The following EPB41L3 variants were observed in gnomAD, a reference collection of about 807,000 sequenced individuals.
The protein encoded by EPB41L3 is erythrocyte membrane protein band 4.1 like 3, also known as band 4.1-like protein 3.
Under a neutral mutation model 127.1 loss-of-function variants are expected in EPB41L3, and 57 were observed. The ratio of observed to expected loss-of-function variants is 0.45; its 90% CI spans 0.36 to 0.56. The LOEUF is 0.56. Among genes scored for constraint, EPB41L3 ranks in the 20% least tolerant of loss-of-function variants. The pLI, the probability that EPB41L3 is intolerant of heterozygous loss-of-function variation, is 0.00. For missense variants in EPB41L3, 1,273 were observed against 1,372.2 expected (o/e 0.93, Z 1.14); for synonymous variants, 572 against 549.5 (o/e 1.04, Z -0.57).
At chr18:5,420,146 G>T in intron 11 of EPB41L3, 1 of 572,752 alleles carries the variant, frequency 1.7e-6, no homozygotes, top group Non-Finnish European at 3.0e-6. Context: ...AAATGCTCAT[G>T]TCTTGGAATT....
chr18:5,397,321 C>T lies in EPB41L3; in HGVS notation c.2578G>A (p.Glu860Lys), dbSNP rs1191825244. ...KVVQETVLVEERRVVHASGDA... is the reference protein window; with the variant it reads ...KVVQETVLVEKRRVVHASGDA... The stretch of plus-strand genomic sequence containing the variant: ...CCACTCGCGTGCACCACACGCCGCT[C>T]CTCCACCAACACGGTCTCCTGCACC... The change falls in exon 18 of 23, where the codon GAG becomes AAG. Residue 860 changes from glutamate to lysine, a missense_variant. Coordinates refer to ENST00000341928, the MANE Select transcript of EPB41L3 (RefSeq NM_012307.5). This position sits in a 1 kb window ranked among gnomAD's most constrained non-coding sequence, Gnocchi z 4.1. The T allele has an allele frequency of 6.2e-7, 1 of 1,613,920 alleles. No individual in the cohort carries two copies. The highest frequency in any genetic ancestry group is 1.3e-5 in the African/African-American group (1 of 74,938).
At chr18:5,457,941 T>G (rs1186400347) in intron 3 of EPB41L3, among the ~76,000 whole-genome samples, 2 of 152,158 alleles carry the variant, frequency 1.3e-5, no homozygotes, top group African/African-American at 2.4e-5. Context: ...TTGTTTGTAT[T>G]AGAATTTGAG....
intron 3 of EPB41L3, chr18:5,577,615 C>T: frequency 4.4e-6 from 1 of 228,708 alleles, no homozygotes; most frequent in Non-Finnish European, 8.6e-6. Context: ...TAATATTTCC[C>T]CTGGTTCCCA....
At chr18:5,484,088 A>AAAAAAAAAAAAAAAAAC (rs2089190366) in intron 2 of EPB41L3, among the ~76,000 whole-genome samples, 1 of 42,902 alleles carries the variant, frequency 2.3e-5, no homozygotes, top group Non-Finnish European at 4.2e-5. Flanking sequence ...AACAAACTCA[A>AAAAAAAAAAAAAAAAAC]AAAAAAAAAA....
chr18:5,568,564 G>C (rs1055695120), intron 3 of EPB41L3, among the ~76,000 whole-genome samples: 4 of 152,062 alleles, frequency 2.6e-5, no homozygotes, highest in African/African-American at 9.7e-5. Context: ...GGGCCCCACA[G>C]AGTACACGCA....
At chr18:5,475,769 A>G (rs990714644) in intron 3 of EPB41L3, among the ~76,000 whole-genome samples, 2 of 152,198 alleles carry the variant, frequency 1.3e-5, no homozygotes, top group African/African-American at 2.4e-5. Context: ...TGTCCATTTC[A>G]TAATAAAACT....
At chr18:5,560,427 G>T (rs535756596) in intron 3 of EPB41L3, among the ~76,000 whole-genome samples, 1 of 152,128 alleles carries the variant, frequency 6.6e-6, no homozygotes, top group South Asian at 2.1e-4. Flanking sequence ...AACTATTTTG[G>T]CAGTACAATC....
At chr18:5,457,512 ATTT>A (rs1381033808) in intron 3 of EPB41L3, among the ~76,000 whole-genome samples, 1 of 152,052 alleles carries the variant, frequency 6.6e-6, no homozygotes, top group Non-Finnish European at 1.5e-5. Flanking sequence ...TGTATCACTT[ATTT>A]TAACTTCTGT....
At position 5,520,203 on chromosome 18, in the gene EPB41L3, A is replaced by G. The variant is rs573803445; in HGVS notation, c.-12+23710T>C. ...GTCACCAGATTTATTTCTGAGCTGTATAAGTTGGACATGTTTCTGAGTCAT... is the reference window on the plus strand; with the variant it reads ...GTCACCAGATTTATTTCTGAGCTGTGTAAGTTGGACATGTTTCTGAGTCAT... On this transcript the variant is annotated intron_variant, in intron 1 of 22. Coordinates refer to ENST00000341928, the MANE Select transcript of EPB41L3 (RefSeq NM_012307.5). Among the ~76,000 whole-genome samples, 15 of 152,330 alleles carry G rather than the reference A, an allele frequency of 9.8e-5. No homozygotes were observed. The South Asian group carries it at 2.3e-3, about 23-fold the overall frequency.
rs563662904 is a variant in EPB41L3, at chr18:5,499,829, G to GTGTATATATA, written c.-11-10636_-11-10635insTATATATACA. ...CCTACTACATACTTACTATGTGTGTGTATATATATATATATATATGGCATT... is the reference window on the plus strand; with the variant it reads ...CCTACTACATACTTACTATGTGTGTGTGTATATATATATATATATATATATATATGGCATT... On this transcript the variant is annotated intron_variant, in intron 1 of 22. Transcript: ENST00000341928. Among the ~76,000 whole-genome samples, 128 of 124,658 alleles carry GTGTATATATA rather than the reference G, an allele frequency of 1.0e-3. 8 individuals are homozygous for GTGTATATATA. The highest frequency in any genetic ancestry group is 4.2e-3 in the Middle Eastern group (1 of 240). 81.8% of individuals were successfully genotyped at this position (124,658 alleles called of 152,430 possible).
intron 3 of EPB41L3, among the ~76,000 whole-genome samples, chr18:5,560,751 A>G (rs2094113542): frequency 6.6e-6 from 1 of 151,898 alleles, no homozygotes; most frequent in Non-Finnish European, 1.5e-5. Context: ...TCCATACTCT[A>G]CCTGGTAACT....
intron 3 of EPB41L3, among the ~76,000 whole-genome samples, chr18:5,598,014 G>A (rs2094553638): frequency 6.6e-6 from 1 of 152,168 alleles, no homozygotes; most frequent in Admixed American, 6.5e-5. Context: ...TGTCAAAGAT[G>A]AAGTAACTTC....
upstream of EPB41L3, among the ~76,000 whole-genome samples, chr18:5,629,969 G>A (rs949859885): frequency 2.0e-5 from 3 of 152,184 alleles, no homozygotes; most frequent in Non-Finnish European, 4.4e-5. Context: ...GGAGAGGGAT[G>A]ACGTCCTCCA....
chr18:5,611,556 A>G (rs917877653), intron 3 of EPB41L3, among the ~76,000 whole-genome samples: 1 of 152,240 alleles, frequency 6.6e-6, no homozygotes, highest in Non-Finnish European at 1.5e-5. Context: ...AACAACATAC[A>G]CTAATGAGGC....
At chr18:5,475,242 C>T (rs962149177) in intron 3 of EPB41L3, among the ~76,000 whole-genome samples, 2 of 152,192 alleles carry the variant, frequency 1.3e-5, no homozygotes, top group Non-Finnish European at 2.9e-5. Flanking sequence ...TAAGAATATG[C>T]CACATCCCAG....
At chr18:5,426,176 C>T (rs1398263323) in intron 9 of EPB41L3, among the ~76,000 whole-genome samples, 1 of 152,094 alleles carries the variant, frequency 6.6e-6, no homozygotes, top group Non-Finnish European at 1.5e-5. Context: ...TAATTTATTC[C>T]ATGTCTAAGG....
intron 3 of EPB41L3, 75 bp from the exon 4 acceptor site, chr18:5,445,319 G>T: frequency 2.5e-6 from 3 of 1,176,742 alleles, no homozygotes; most frequent in South Asian, 1.3e-5. Context: ...GATAAAACCA[G>T]GTAATATTTA....
intron 9 of EPB41L3, among the ~76,000 whole-genome samples, chr18:5,424,947 G>A (rs2077962262): frequency 6.6e-6 from 1 of 152,096 alleles, no homozygotes. Context: ...TCAGAGATTG[G>A]GGGAACATAT....
chr18:5,555,886 C>A (rs1022818412), intron 3 of EPB41L3, among the ~76,000 whole-genome samples: 3 of 152,188 alleles, frequency 2.0e-5, no homozygotes, highest in African/African-American at 7.2e-5. Flanking sequence ...GCCCAGCCAT[C>A]TTTCCATTCC....
Sources: gnomAD v4.1 joint callset for allele counts (sites outside exome capture counted in the v4.1 genomes callset) on GRCh38, gnomAD v4.1.1 for gene constraint, Gnocchi (gnomAD v3.1) non-coding constraint, MANE v1.5 for transcripts, NCBI Gene and HGNC (gene_info 2026-07-23, HGNC 2026-07-21) for gene names.